Variants in MPPED1 observed in about 807,000 individuals in gnomAD.
MPPED1 encodes metallophosphoesterase domain containing 1.
Under a neutral mutation model 36.2 loss-of-function variants are expected in MPPED1, and 16 were observed. That is an observed-to-expected ratio of 0.44 (90% CI 0.30 to 0.67). The LOEUF is 0.67. Among genes scored for constraint, MPPED1 ranks in the 30% least tolerant of loss-of-function variants. MPPED1 has a pLI of 0.10. For missense variants in MPPED1, 307 were observed against 453.4 expected (o/e 0.68, Z 2.93); for synonymous variants, 199 against 191.3 (o/e 1.04, Z -0.33).
Position 43,424,983 on chromosome 22 carries a change from T to C in MPPED1, c.-3T>C, listed in dbSNP as rs532098264. The C allele has an allele frequency of 1.0e-5, 16 of 1,584,670 alleles. No individual in the cohort carries two copies. In the African/African-American group the frequency reaches 2.0e-4, roughly 20 times the overall value. The stretch of plus-strand genomic sequence containing the variant: ...GAGATGCCGGGGCGGCCGGCGGAGG[T>C]CCATGTGGCGCTCTAGGTGGGATGC... On this transcript the variant is annotated 5_prime_UTR_variant, in exon 2 of 7. Transcript: ENST00000443721.
At chr22:43,466,290 G>A (rs572066510) in intron 3 of MPPED1, among the ~76,000 whole-genome samples, 1 of 152,272 alleles carries the variant, frequency 6.6e-6, no homozygotes, top group South Asian at 2.1e-4. Flanking sequence ...AGCTCATTGG[G>A]GGGTCTGCCA....
chr22:43,500,637 C>G (rs960678540), intron 5 of MPPED1, among the ~76,000 whole-genome samples: 3 of 151,970 alleles, frequency 2.0e-5, no homozygotes, highest in Admixed American at 6.6e-5. Flanking sequence ...TGTCTTGCTC[C>G]CACCGCCACC....
At chr22:43,432,799 G>A (rs1929787621) in intron 2 of MPPED1, among the ~76,000 whole-genome samples, 1 of 146,412 alleles carries the variant, frequency 6.8e-6, no homozygotes. Flanking sequence ...GGAGGAGAGA[G>A]AGAGAAAGGG....
chr22:43,502,564 C>A lies in MPPED1; in HGVS notation c.749-80C>A. 8.8e-7 allele frequency: 1 copy of A among 1,132,880 alleles called. No homozygotes were observed. The highest frequency in any genetic ancestry group is 1.3e-6 in the Non-Finnish European group (1 of 754,126). The allele number at this position is 1,132,880 out of a possible 1,614,324, so 70.2% of individuals were successfully genotyped here. A position where few individuals can be genotyped will look rare whatever the true frequency, so the allele number is the denominator to read the frequency against. On this transcript the variant is annotated intron_variant, in intron 5 of 6. Coordinates refer to ENST00000443721, the MANE Select transcript of MPPED1 (RefSeq NM_001044370.2). The surrounding 1 kb of genome is among the most constrained non-coding windows in gnomAD (Gnocchi z 5.5). Reference sequence around the variant, plus strand: ...GAAGCCCCATGCCTTCTCCAGGCTGCAGAAGCTGCTGCTAGGCGTGGGGCA... The same window carrying A: ...GAAGCCCCATGCCTTCTCCAGGCTGAAGAAGCTGCTGCTAGGCGTGGGGCA...
At chr22:43,488,182 GCCCCTA>G in intron 4 of MPPED1, among the ~76,000 whole-genome samples, 1 of 152,080 alleles carries the variant, frequency 6.6e-6, no homozygotes, top group South Asian at 2.1e-4. Flanking sequence ...ATTGAGGGCG[GCCCCTA>G]CGCCGCCCTC....
chr22:43,465,066 G>A (rs1163618026), intron 3 of MPPED1, among the ~76,000 whole-genome samples: 2 of 152,322 alleles, frequency 1.3e-5, no homozygotes, highest in South Asian at 2.1e-4. Flanking sequence ...GCTCTCAGAG[G>A]TCAGGACCTT....
intron 1 of MPPED1, among the ~76,000 whole-genome samples, chr22:43,414,888 G>T (rs570532362): frequency 6.6e-6 from 1 of 152,206 alleles, no homozygotes; most frequent in East Asian, 1.9e-4. Flanking sequence ...GCAGAGGCCT[G>T]GGAATAGCTT....
intron 3 of MPPED1, among the ~76,000 whole-genome samples, chr22:43,460,261 A>AC (rs1930906937): frequency 1.6e-5 from 2 of 121,786 alleles, no homozygotes; most frequent in Admixed American, 8.5e-5. Context: ...AAACAAACCC[A>AC]AACCCCCCCC....
At chr22:43,436,337 C>T (rs76461888) in intron 3 of MPPED1, among the ~76,000 whole-genome samples, 4,214 of 152,278 alleles carry the variant, frequency 0.028, 186 homozygotes, top group African/African-American at 0.096. Context: ...CTTCCGCCTC[C>T]CCAGGGGCGT....
chr22:43,423,288 A>T (rs1929341943), intron 1 of MPPED1, among the ~76,000 whole-genome samples: 1 of 152,198 alleles, frequency 6.6e-6, no homozygotes, highest in Admixed American at 6.5e-5. Flanking sequence ...GAAACTTGGC[A>T]TCTGGTGCCC....
intron 4 of MPPED1, among the ~76,000 whole-genome samples, chr22:43,490,840 G>A (rs1246710432): frequency 3.9e-5 from 6 of 152,284 alleles, no homozygotes; most frequent in Non-Finnish European, 7.4e-5. Flanking sequence ...TACCTGCCTG[G>A]TTCAGCCAGT....
chr22:43,496,484 A>G (rs1219373688), intron 4 of MPPED1, among the ~76,000 whole-genome samples: 162 of 3,518 alleles, frequency 0.046, no homozygotes, highest in Non-Finnish European at 0.054. Flanking sequence ...GGTGGTGGAG[A>G]TGGTGGTGGT....
intron 3 of MPPED1, among the ~76,000 whole-genome samples, chr22:43,465,760 C>G (rs1399682759): frequency 6.6e-6 from 1 of 152,026 alleles, no homozygotes; most frequent in Non-Finnish European, 1.5e-5. Flanking sequence ...GAAGGAAGGG[C>G]GGGAAGAGGA....
chr22:43,479,604 C>T (rs1461040186), intron 4 of MPPED1, among the ~76,000 whole-genome samples: 2 of 152,178 alleles, frequency 1.3e-5, no homozygotes, highest in Non-Finnish European at 2.9e-5. Flanking sequence ...TGTGGGTGGG[C>T]CTAGTGCCCT....
chr22:43,494,419 T>A (rs903045229), intron 4 of MPPED1, among the ~76,000 whole-genome samples: 4 of 152,160 alleles, frequency 2.6e-5, no homozygotes, highest in African/African-American at 9.7e-5. Context: ...TTTCTGATGG[T>A]TGCTGGTGAT....
chr22:43,447,859 T>TTTTATATATATATATATATA (rs1555899992), intron 3 of MPPED1, among the ~76,000 whole-genome samples: 3 of 62,526 alleles, frequency 4.8e-5, no homozygotes, highest in East Asian at 3.3e-4. Flanking sequence ...TATGTAAATA[T>TTTTATATATATATATATATA]TATATATATA....
chr22:43,472,243 TA>T (rs899148280), intron 3 of MPPED1, among the ~76,000 whole-genome samples: 13 of 152,158 alleles, frequency 8.5e-5, no homozygotes, highest in Non-Finnish European at 1.3e-4. Flanking sequence ...ATTCAAGTTT[TA>T]AAAAAAAGTT....
chr22:43,488,093 G>C (rs1000199022), intron 4 of MPPED1, among the ~76,000 whole-genome samples: 1 of 152,148 alleles, frequency 6.6e-6, no homozygotes, highest in Non-Finnish European at 1.5e-5. Context: ...CCTCTCTTGG[G>C]GGGGTGTGAG....
intron 2 of MPPED1, among the ~76,000 whole-genome samples, chr22:43,425,954 CCGAGG>C (rs1929454003): frequency 6.6e-6 from 1 of 152,178 alleles, no homozygotes; most frequent in South Asian, 2.1e-4. Flanking sequence ...TCTGGATTTC[CCGAGG>C]ACCTGGAAAG....
Sources: allele counts gnomAD v4.1 joint callset (sites outside exome capture counted in the v4.1 genomes callset), GRCh38; gene constraint gnomAD v4.1.1; non-coding constraint Gnocchi (gnomAD v3.1); transcripts MANE v1.5; gene names NCBI Gene and HGNC (gene_info 2026-07-23, HGNC 2026-07-21).